Variants in DOCK5 observed in about 807,000 individuals in gnomAD.
DOCK5 encodes the protein dedicator of cytokinesis protein 5.
In DOCK5, 142 loss-of-function variants were observed where a neutral mutation model predicts 251.8. That is an observed-to-expected ratio of 0.56 (90% CI 0.49 to 0.65). The LOEUF (loss-of-function observed/expected upper bound fraction) is 0.65, where lower values mean the gene tolerates loss of function less well. Ranked by LOEUF, DOCK5 falls within the 30% of genes least tolerant of loss-of-function variation. DOCK5 has a pLI of 0.00. For synonymous variants in DOCK5, 842 were observed against 835.5 expected (o/e 1.01, Z -0.13); for missense variants, 2,111 against 2,312.3 (o/e 0.91, Z 1.79).
intron 24 of DOCK5, 61 bp from the exon 25 acceptor site, chr8:25,342,340 A>G (rs1026821382): frequency 1.7e-5 from 23 of 1,342,492 alleles, no homozygotes; most frequent in Non-Finnish European, 2.2e-5. Flanking sequence ...AGAAAAGTTT[A>G]TAATGATGCC....
At chr8:25,214,088 C>T (rs968682432) in intron 1 of DOCK5, among the ~76,000 whole-genome samples, 1 of 152,134 alleles carries the variant, frequency 6.6e-6, no homozygotes, top group Non-Finnish European at 1.5e-5. Context: ...GTCCATGAAG[C>T]CAAGTTTGTG....
At chr8:25,293,445 C>T (rs1284696900) in intron 6 of DOCK5, among the ~76,000 whole-genome samples, 1 of 152,146 alleles carries the variant, frequency 6.6e-6, no homozygotes, top group African/African-American at 2.4e-5. Flanking sequence ...TGATTATAAT[C>T]TTAAAACATA....
At chr8:25,267,894 G>A (rs531583578) in intron 2 of DOCK5, among the ~76,000 whole-genome samples, 51 of 151,162 alleles carry the variant, frequency 3.4e-4, no homozygotes, top group African/African-American at 1.2e-3. Flanking sequence ...ACGGAGTCTC[G>A]CTCTGTTGCC....
At chr8:25,295,018 G>A (rs949515261) in intron 6 of DOCK5, among the ~76,000 whole-genome samples, 2 of 152,176 alleles carry the variant, frequency 1.3e-5, no homozygotes, top group Admixed American at 6.5e-5. Context: ...CAACATTGGG[G>A]TGAATGTGAG....
intron 20 of DOCK5, among the ~76,000 whole-genome samples, chr8:25,333,751 G>A (rs1390526519): frequency 6.6e-6 from 1 of 152,126 alleles, no homozygotes; most frequent in African/African-American, 2.4e-5. Context: ...CTGCATCCTT[G>A]GATTAGAGAA....
intron 20 of DOCK5, 132 bp downstream of exon 20, chr8:25,332,824 A>C: frequency 3.0e-6 from 2 of 676,964 alleles, no homozygotes; most frequent in Non-Finnish European, 4.6e-6. Context: ...TTATTGTTTT[A>C]GGCTGAATTC....
chr8:25,324,469 G>A (rs1322772212), intron 17 of DOCK5, among the ~76,000 whole-genome samples: 1 of 152,194 alleles, frequency 6.6e-6, no homozygotes, highest in East Asian at 1.9e-4. Context: ...AGAGTATAAA[G>A]TAGATGCTGG....
chr8:25,286,283 G>A (rs1031414975), intron 5 of DOCK5, among the ~76,000 whole-genome samples: 8 of 152,192 alleles, frequency 5.3e-5, no homozygotes, highest in African/African-American at 1.9e-4. Flanking sequence ...CCAACTGAGT[G>A]TGCAAGCAAG....
chr8:25,299,469 A>G (rs1341408668), intron 8 of DOCK5: 2 of 166,740 alleles, frequency 1.2e-5, no homozygotes, highest in African/African-American at 4.8e-5. Context: ...GATGCATGTC[A>G]TTATGAATTT....
intron 5 of DOCK5, among the ~76,000 whole-genome samples, chr8:25,289,991 G>T (rs181604620): frequency 6.6e-6 from 1 of 151,956 alleles, no homozygotes; most frequent in African/African-American, 2.4e-5. Context: ...CCCTATATAC[G>T]CAAGATCATA....
intron 2 of DOCK5, among the ~76,000 whole-genome samples, chr8:25,252,905 C>T (rs185317116): frequency 6.6e-6 from 1 of 152,144 alleles, no homozygotes; most frequent in Non-Finnish European, 1.5e-5. Context: ...AATCTTGGCT[C>T]ACTACAACCT....
At chr8:25,318,739 A>G (rs1586325130) in intron 14 of DOCK5, among the ~76,000 whole-genome samples, 1 of 147,360 alleles carries the variant, frequency 6.8e-6, no homozygotes, top group South Asian at 2.2e-4. Context: ...CCTCTGCTGA[A>G]CTCCACCTCT....
At chr8:25,195,113 A>G (rs1013304930) in intron 1 of DOCK5, among the ~76,000 whole-genome samples, 1 of 151,588 alleles carries the variant, frequency 6.6e-6, no homozygotes, top group African/African-American at 2.4e-5. Flanking sequence ...TAGACATGGC[A>G]TTTCATCTTG....
intron 45 of DOCK5, among the ~76,000 whole-genome samples, chr8:25,398,499 C>A (rs573268363): frequency 1.3e-5 from 2 of 152,190 alleles, no homozygotes; most frequent in African/African-American, 4.8e-5. Context: ...ACAAAAACTT[C>A]TTGTTTCACT....
chr8:25,410,972 T>TGTGTGTGTGTGCGC (rs1331552371), intron 51 of DOCK5, among the ~76,000 whole-genome samples: 3 of 19,192 alleles, frequency 1.6e-4, no homozygotes, highest in Admixed American at 7.1e-4. Context: ...TGTGTGTGTG[T>TGTGTGTGTGTGCGC]GCGCGCGCGC....
intron 22 of DOCK5, among the ~76,000 whole-genome samples, chr8:25,338,043 G>GT (rs1454921669): frequency 6.6e-6 from 1 of 151,822 alleles, no homozygotes; most frequent in Non-Finnish European, 1.5e-5. Context: ...GTTTTTTAGG[G>GT]TTTTTTGTTT....
chr8:25,218,541 C>T lies in DOCK5; in HGVS notation c.44-25133C>T, dbSNP rs145123096. Reference sequence around the variant, plus strand: ...ATCACCAATGTCACCTTAGTGGTGGCTAGGAGATGTTCCTAGTCCCTGACT... The same window carrying T: ...ATCACCAATGTCACCTTAGTGGTGGTTAGGAGATGTTCCTAGTCCCTGACT... On this transcript the variant is annotated intron_variant, in intron 1 of 51. Transcript: ENST00000276440. Among the ~76,000 whole-genome samples the T allele has an allele frequency of 8.5e-5, 13 of 152,294 alleles. No individual in the cohort carries two copies. In the East Asian group the frequency reaches 2.5e-3, roughly 29 times the overall value.
chr8:25,319,805 A>G (rs561037382), intron 15 of DOCK5, 129 bp downstream of exon 15: 7 of 587,774 alleles, frequency 1.2e-5, no homozygotes, highest in South Asian at 6.9e-5. Flanking sequence ...GTGTGCAGTA[A>G]GAAATGAATC....
At chr8:25,355,450 GTTTA>G in intron 27 of DOCK5, among the ~76,000 whole-genome samples, 1 of 152,198 alleles carries the variant, frequency 6.6e-6, no homozygotes, top group East Asian at 1.9e-4. Context: ...AAACTAACCT[GTTTA>G]TTTATTTTGT....
Sources: allele counts gnomAD v4.1 joint callset (sites outside exome capture counted in the v4.1 genomes callset), GRCh38; gene constraint gnomAD v4.1.1; transcripts MANE v1.5; gene names NCBI Gene and HGNC (gene_info 2026-07-23, HGNC 2026-07-21).